ANO4: variants seen among roughly 807,000 people sequenced by gnomAD.
ANO4 encodes the protein anoctamin-4.
Under a neutral mutation model 141.9 loss-of-function variants are expected in ANO4, and 69 were observed. The ratio of observed to expected loss-of-function variants is 0.49; its 90% CI spans 0.40 to 0.59. ANO4 has a LOEUF of 0.59. Among genes scored for constraint, ANO4 ranks in the 20% least tolerant of loss-of-function variants. The probability of loss-of-function intolerance (pLI) is 0.00; values close to 1 mark genes in which losing one functional copy is unlikely to be tolerated. For synonymous variants in ANO4, 350 were observed against 394.3 expected (o/e 0.89, Z 1.33); for missense variants, 894 against 1,162.2 (o/e 0.77, Z 3.36).
chr12:100,951,989 G>T (rs1034188998), intron 5 of ANO4, among the ~76,000 whole-genome samples: 1 of 152,120 alleles, frequency 6.6e-6, no homozygotes, highest in Non-Finnish European at 1.5e-5. Context: ...CACATGTCCT[G>T]GTGTGGGGGG....
At chr12:100,718,253 A>G (rs910177289) in intron 1 of ANO4, among the ~76,000 whole-genome samples, 3 of 152,238 alleles carry the variant, frequency 2.0e-5, no homozygotes, top group Non-Finnish European at 2.9e-5. Context: ...GCGCTGGGGA[A>G]GCCAGCAAGG....
chr12:100,911,972 T>A (rs2136067300), intron 2 of ANO4, among the ~76,000 whole-genome samples: 1 of 152,326 alleles, frequency 6.6e-6, no homozygotes, highest in Non-Finnish European at 1.5e-5. Context: ...TTCTCCTGCA[T>A]TTCATTTAGT....
intron 2 of ANO4, among the ~76,000 whole-genome samples, chr12:100,917,683 T>A (rs990698297): frequency 2.0e-5 from 3 of 152,170 alleles, no homozygotes; most frequent in African/African-American, 7.2e-5. Context: ...AGTGTTAGAC[T>A]TAATGAACGG....
intron 22 of ANO4, among the ~76,000 whole-genome samples, chr12:101,108,389 G>A (rs997372432): frequency 2.0e-5 from 3 of 152,040 alleles, no homozygotes; most frequent in East Asian, 1.9e-4. Context: ...GAGCTACAAC[G>A]CTGGGATTAG....
intron 7 of ANO4, among the ~76,000 whole-genome samples, chr12:100,976,718 T>C (rs2044210564): frequency 6.6e-6 from 1 of 152,170 alleles, no homozygotes; most frequent in South Asian, 2.1e-4. Flanking sequence ...AGCTCCATCT[T>C]CTCATTAAAA....
At chr12:101,125,238 G>A (rs546133962) in intron 26 of ANO4, among the ~76,000 whole-genome samples, 1 of 152,162 alleles carries the variant, frequency 6.6e-6, no homozygotes, top group Admixed American at 6.5e-5. Context: ...GTTGTGAATG[G>A]GAGTTCATCC....
upstream of ANO4, among the ~76,000 whole-genome samples, chr12:100,794,112 A>G (rs2034161292): frequency 6.6e-6 from 1 of 152,220 alleles, no homozygotes; most frequent in Admixed American, 6.5e-5. Flanking sequence ...GAAGATTGAC[A>G]GTCAAATTCC....
intron 9 of ANO4, among the ~76,000 whole-genome samples, chr12:101,035,855 G>A (rs375185367): frequency 1.3e-5 from 2 of 152,162 alleles, no homozygotes; most frequent in East Asian, 1.9e-4. Flanking sequence ...CTACTTGAGG[G>A]TGGAGGGTGA....
chr12:101,009,932 C>G (rs1467543243), intron 8 of ANO4, among the ~76,000 whole-genome samples: 1 of 152,028 alleles, frequency 6.6e-6, no homozygotes, highest in Non-Finnish European at 1.5e-5. Flanking sequence ...TGGGAGAATT[C>G]TTCAAGTTAT....
At chr12:100,888,037 G>A (rs1224370076) in intron 1 of ANO4, among the ~76,000 whole-genome samples, 1 of 152,182 alleles carries the variant, frequency 6.6e-6, no homozygotes, top group Non-Finnish European at 1.5e-5. Flanking sequence ...AAGTATCACA[G>A]GGTGAGACAA....
At chr12:100,892,348 G>T (rs1283833939) in intron 1 of ANO4, among the ~76,000 whole-genome samples, 1 of 152,070 alleles carries the variant, frequency 6.6e-6, no homozygotes, top group Non-Finnish European at 1.5e-5. Context: ...CTGTAGATGG[G>T]CTAGTAGGGT....
intron 22 of ANO4, among the ~76,000 whole-genome samples, chr12:101,107,109 T>G (rs1054815104): frequency 1.3e-5 from 2 of 152,212 alleles, no homozygotes; most frequent in Non-Finnish European, 2.9e-5. Flanking sequence ...AAATATAACC[T>G]GAAAGAACTA....
intron 1 of ANO4, among the ~76,000 whole-genome samples, chr12:100,796,587 A>G (rs2034337560): frequency 6.6e-6 from 1 of 152,178 alleles, no homozygotes; most frequent in African/African-American, 2.4e-5. Flanking sequence ...TTTACATGTT[A>G]GCCCTGTTCA....
chr12:100,783,760 T>C (rs190478464), intron 3 of ANO4, among the ~76,000 whole-genome samples: 1 of 152,270 alleles, frequency 6.6e-6, no homozygotes, highest in African/African-American at 2.4e-5. Flanking sequence ...GGCAATGATA[T>C]TACTAGCCCA....
chr12:101,101,155 T>C (rs1566249274), intron 22 of ANO4, among the ~76,000 whole-genome samples: 1 of 152,192 alleles, frequency 6.6e-6, no homozygotes, highest in Non-Finnish European at 1.5e-5. Flanking sequence ...AATAGAATAT[T>C]ATCAATATCA....
At chr12:101,102,813 A>G (rs1382150271) in intron 22 of ANO4, among the ~76,000 whole-genome samples, 2 of 151,928 alleles carry the variant, frequency 1.3e-5, no homozygotes, top group African/African-American at 4.8e-5. Flanking sequence ...CAATTTGAAG[A>G]TATTTGATGT....
rs887326931 is a variant in ANO4 at position 100,733,713 on chromosome 12, A to G, written c.23-61A>G. 364 of 669,516 alleles carry G rather than the reference A, an allele frequency of 5.4e-4. 2 individuals carry two copies. The highest frequency in any genetic ancestry group is 2.0e-4 in the Admixed American group (9 of 45,898). The allele number at this position is 669,516 out of a possible 1,614,324, so 41.5% of individuals were successfully genotyped here. ...TATTTACCACCAGTCATATATTTAC[A>G]TTGTGGTCATGGTGTCTACTAAGTT... On this transcript the variant is annotated intron_variant, in intron 1 of 29. Transcript: ENST00000644049.
intron 2 of ANO4, among the ~76,000 whole-genome samples, chr12:100,735,048 G>A (rs888328142): frequency 6.6e-6 from 1 of 152,190 alleles, no homozygotes; most frequent in South Asian, 2.1e-4. Context: ...CAGTTTTACT[G>A]CTAGGTACTT....
chr12:100,946,519 A>T (rs1476327905), intron 5 of ANO4, among the ~76,000 whole-genome samples: 1 of 152,182 alleles, frequency 6.6e-6, no homozygotes, highest in Non-Finnish European at 1.5e-5. Context: ...TGGGCAGTGT[A>T]AAAAAGAAGA....
Sources: gnomAD v4.1 joint callset for allele counts (sites outside exome capture counted in the v4.1 genomes callset) on GRCh38, gnomAD v4.1.1 for gene constraint, MANE v1.5 for transcripts, NCBI Gene and HGNC (gene_info 2026-07-23, HGNC 2026-07-21) for gene names.